NRXN3: variants seen among roughly 807,000 people sequenced by gnomAD.
The protein encoded by NRXN3 is neurexin 3, also known as neurexin III.
A neutral mutation model predicts 137.6 loss-of-function variants in NRXN3; 32 were observed. The observed-to-expected ratio is 0.23, with a 90% CI of 0.18 to 0.31. The LOEUF (loss-of-function observed/expected upper bound fraction) is 0.31, where lower values mean the gene tolerates loss of function less well. Among genes scored for constraint, NRXN3 ranks in the 10% least tolerant of loss-of-function variants. NRXN3 has a pLI of 1.00. For synonymous variants in NRXN3, 798 were observed against 784.5 expected, an observed-to-expected ratio of 1.02 and a Z score of -0.29; for missense variants, 1,574 against 2,062.5, an observed-to-expected ratio of 0.76 and a Z score of 4.59.
intron 10 of NRXN3, among the ~76,000 whole-genome samples, chr14:78,839,044 A>C (rs776852831): frequency 5.3e-5 from 8 of 152,182 alleles, no homozygotes; most frequent in Non-Finnish European, 1.2e-4. Context: ...CTCTTCCCTC[A>C]TATAGCTTAA....
chr14:79,600,624 AAGAG>A lies in NRXN3; in HGVS notation c.3445-63150_3445-63147del, dbSNP rs541775222. 2.6e-5 allele frequency among the ~76,000 whole-genome samples: 4 copies of A among 152,336 alleles called. No homozygotes were observed. The South Asian group carries it at 8.3e-4, about 32-fold the overall frequency. ...AACAGCGTTAGATCAGTGGGGCTGT[AAGAG>A]AGACTCTCCAAATTCATTTATGGAG... On this transcript the variant is annotated intron_variant, in intron 16 of 20. Transcript: ENST00000335750.
At chr14:79,106,622 A>G (rs2052494503) in intron 15 of NRXN3, among the ~76,000 whole-genome samples, 1 of 152,170 alleles carries the variant, frequency 6.6e-6, no homozygotes, top group Non-Finnish European at 1.5e-5. Context: ...TCTCCTCTGG[A>G]CACATCATAT....
At chr14:79,169,759 T>C (rs1448247785) in intron 15 of NRXN3, among the ~76,000 whole-genome samples, 1 of 152,096 alleles carries the variant, frequency 6.6e-6, no homozygotes, top group Non-Finnish European at 1.5e-5. Flanking sequence ...TTTCTAACAA[T>C]TATATTTTCC....
chr14:78,708,152 A>G (rs2098374029), intron 6 of NRXN3, among the ~76,000 whole-genome samples: 1 of 152,194 alleles, frequency 6.6e-6, no homozygotes, highest in Non-Finnish European at 1.5e-5. Flanking sequence ...GCTGTTAGAC[A>G]GTCATAACAG....
chr14:78,292,413 A>G (rs1019022803), intron 3 of NRXN3, among the ~76,000 whole-genome samples: 2 of 152,090 alleles, frequency 1.3e-5, no homozygotes, highest in African/African-American at 2.4e-5. Context: ...TTATTCCTCT[A>G]TGTACCCTGA....
At chr14:78,932,476 A>C (rs2099324937) in intron 10 of NRXN3, among the ~76,000 whole-genome samples, 1 of 152,184 alleles carries the variant, frequency 6.6e-6, no homozygotes, top group Admixed American at 6.5e-5. Context: ...ATCACAATTG[A>C]AGTAGTGGAT....
intron 10 of NRXN3, among the ~76,000 whole-genome samples, chr14:78,910,208 A>G (rs947218499): frequency 1.3e-5 from 2 of 152,086 alleles, no homozygotes; most frequent in Non-Finnish European, 2.9e-5. Flanking sequence ...TAGATATAGC[A>G]GAAAGAGCTC....
intron 17 of NRXN3, among the ~76,000 whole-genome samples, chr14:79,681,788 C>T (rs2154013970): frequency 6.6e-6 from 1 of 151,294 alleles, no homozygotes; most frequent in Non-Finnish European, 1.5e-5. Context: ...AGAAGAAAGG[C>T]TCTGGTTCTA....
Position 78,508,018 on chromosome 14 carries a change from A to G in NRXN3, c.758-137102A>G, listed in dbSNP as rs777404671. Among the ~76,000 whole-genome samples, 13 of 152,298 alleles carry G rather than the reference A, an allele frequency of 8.5e-5. No homozygotes were observed. In the South Asian group the frequency reaches 1.0e-3, roughly 12 times the overall value. The stretch of plus-strand genomic sequence containing the variant: ...AATGCTTTTTGATGAGGGTAATGGT[A>G]TGGAAATAAAGCTCTTGAGATCCAG... On this transcript the variant is annotated intron_variant, in intron 4 of 20. Transcript: ENST00000335750.
At chr14:78,225,974 GGTGTGTGTGTGTGTGT>G (rs71131635) in intron 1 of NRXN3, among the ~76,000 whole-genome samples, 4 of 123,714 alleles carry the variant, frequency 3.2e-5, no homozygotes, top group East Asian at 4.9e-4. Context: ...TGTGTGTGTT[GGTGTGTGTGTGTGTGT>G]GTGTGTGTGT....
chr14:78,836,179 AG>A (rs1429334912), intron 10 of NRXN3, among the ~76,000 whole-genome samples: 2 of 152,230 alleles, frequency 1.3e-5, no homozygotes, highest in East Asian at 3.8e-4. Flanking sequence ...TAAATTTTCC[AG>A]AACACAGAGA....
chr14:78,350,389 G>A (rs2083324461), intron 4 of NRXN3, among the ~76,000 whole-genome samples: 1 of 152,100 alleles, frequency 6.6e-6, no homozygotes, highest in Admixed American at 6.6e-5. Context: ...TGAGCCCAAT[G>A]CTGAAGGACA....
chr14:78,347,871 G>T (rs965942746), intron 4 of NRXN3, among the ~76,000 whole-genome samples: 4 of 152,158 alleles, frequency 2.6e-5, no homozygotes, highest in African/African-American at 9.7e-5. Context: ...CAAAAGGTTG[G>T]ATAATAAGAA....
chr14:79,061,148 T>G (rs1478021010), intron 15 of NRXN3, among the ~76,000 whole-genome samples: 2 of 152,190 alleles, frequency 1.3e-5, no homozygotes, highest in Non-Finnish European at 2.9e-5. Context: ...CAATAAGAAT[T>G]TATTAAGTAC....
chr14:79,244,650 T>A (rs540494593), intron 15 of NRXN3, among the ~76,000 whole-genome samples: 30 of 152,244 alleles, frequency 2.0e-4, no homozygotes, highest in African/African-American at 7.2e-4. Context: ...TTCACACCTT[T>A]CCTTTGCAGA....
At chr14:78,184,121 C>G (rs922463824) in intron 1 of NRXN3, among the ~76,000 whole-genome samples, 4 of 152,138 alleles carry the variant, frequency 2.6e-5, no homozygotes, top group African/African-American at 9.7e-5. Flanking sequence ...TATAAATCTC[C>G]CCGCCAGAGA....
chr14:78,449,273 C>T (rs188886448), intron 4 of NRXN3, among the ~76,000 whole-genome samples: 1 of 152,270 alleles, frequency 6.6e-6, no homozygotes, highest in Non-Finnish European at 1.5e-5. Flanking sequence ...AATATCGTGG[C>T]GCGATCTTGG....
intron 15 of NRXN3, among the ~76,000 whole-genome samples, chr14:79,227,775 T>TTCCTTCCTTCCTTCCTTCCTTCCC (rs2071254613): frequency 2.8e-5 from 2 of 72,042 alleles, no homozygotes; most frequent in African/African-American, 4.4e-5. Flanking sequence ...CCTTCCTTCC[T>TTCCTTCCTTCCTTCCTTCCTTCCC]TCCTTCCTTC....
At position 79,835,599 on chromosome 14, in the gene NRXN3, G is replaced by T. The variant is rs76136638; in HGVS notation, c.4094-25743G>T. Reference sequence around the variant, plus strand: ...TTTGTCATGGAGACATCTGTTTTTGGCAGTCTTTGTTTCCAGGGAGTGAAA... The same window carrying T: ...TTTGTCATGGAGACATCTGTTTTTGTCAGTCTTTGTTTCCAGGGAGTGAAA... On this transcript the variant is annotated intron_variant, in intron 20 of 20. Transcript: ENST00000335750. 2.3e-3 allele frequency among the ~76,000 whole-genome samples: 344 copies of T among 152,162 alleles called. 13 individuals are homozygous for T. In the East Asian group the frequency reaches 0.045, roughly 20 times the overall value.
Sources: allele counts gnomAD v4.1 joint callset (sites outside exome capture counted in the v4.1 genomes callset), GRCh38; gene constraint gnomAD v4.1.1; transcripts MANE v1.5; gene names NCBI Gene and HGNC (gene_info 2026-07-23, HGNC 2026-07-21).